The following GBF1 variants were observed in gnomAD, a reference collection of about 807,000 sequenced individuals.
GBF1 encodes Golgi-specific brefeldin A-resistance guanine nucleotide exchange factor 1.
A neutral mutation model predicts 210.5 loss-of-function variants in GBF1; 114 were observed. The observed-to-expected ratio is 0.54, with a 90% CI of 0.47 to 0.63. The LOEUF (loss-of-function observed/expected upper bound fraction) is 0.63. Among genes scored for constraint, GBF1 ranks in the 30% least tolerant of loss-of-function variants. The pLI is 0.00. For synonymous variants in GBF1, 850 were observed against 889.2 expected, an observed-to-expected ratio of 0.96 and a Z score of 0.78; for missense variants, 1,851 against 2,357.7, an observed-to-expected ratio of 0.79 and a Z score of 4.45.
chr10:102,237,045 G>T, the GBF1 span, among the ~76,000 whole-genome samples: 1 of 152,168 alleles, frequency 6.6e-6, no homozygotes, highest in East Asian at 1.9e-4. Flanking sequence ...GACGATTCGG[G>T]GATCAGAGAA....
chr10:102,375,449 C>G lies in GBF1; in HGVS notation c.3751C>G (p.Leu1251Val). The change falls in exon 30 of 40, where the codon CTG (leucine) becomes GTG (valine). Residue 1251 changes from leucine to valine, a missense_variant. Leu to Val is a conservative substitution (Grantham distance 32). Coordinates refer to ENST00000369983, the MANE Select transcript of GBF1 (RefSeq NM_001377137.1). ...GGTTGCGTATGGGCTCCATGAACTC[C>G]TGAAGACCAATGCAGCCAACATCCA... ...HQVAYGLHEL[L>V]KTNAANIHSG... The G allele has an allele frequency of 1.9e-6, 3 of 1,613,348 alleles. No homozygotes were observed. The highest frequency in any genetic ancestry group is 2.5e-6 in the Non-Finnish European group (3 of 1,179,252).
At chr10:102,302,872 C>T (rs1230202790) in intron 3 of GBF1, among the ~76,000 whole-genome samples, 4 of 151,988 alleles carry the variant, frequency 2.6e-5, no homozygotes, top group African/African-American at 4.8e-5. Context: ...TGAAGAATTA[C>T]GTGGCCCAAA....
At position 102,380,693 on chromosome 10, in the gene GBF1, G is replaced by C. The variant is rs745622142; in HGVS notation, c.5173+7G>C. The C allele has an allele frequency of 6.9e-6, 11 of 1,599,066 alleles. No individual in the cohort carries two copies. In the South Asian group the frequency reaches 1.2e-4, roughly 18 times the overall value. ...AAGCAGACCGTCATCCAGGGTAGGGGGCTCAGCCCAGCTTTATCAAAAAGA... is the reference window on the plus strand; with the variant it reads ...AAGCAGACCGTCATCCAGGGTAGGGCGCTCAGCCCAGCTTTATCAAAAAGA... On this transcript the variant is annotated splice_region_variant and intron_variant, in intron 38 of 39. Coordinates refer to ENST00000369983, the MANE Select transcript of GBF1 (RefSeq NM_001377137.1).
chr10:102,351,433 A>G (rs1003529674), intron 5 of GBF1, 59 bp downstream of exon 5: 10 of 923,098 alleles, frequency 1.1e-5, no homozygotes, highest in Admixed American at 5.1e-5. Context: ...CGCAGACTCT[A>G]CTTACTCTGC....
In GBF1 at chr10:102,360,330, C is replaced by T. The variant is rs771953360; in HGVS notation, c.1327C>T (p.Pro443Ser). ...HLLTVALESAPVAQCQTLLGL... is the reference protein window; with the variant it reads ...HLLTVALESASVAQCQTLLGL... ...GCTGACAGTGGCCCTTGAGTCAGCC[C>T]CTGTAGCCCAGTGCCAGACCCTCTT... The change falls in exon 12 of 40, where the codon CCT becomes TCT. Residue 443 changes from proline to serine, a missense_variant. Physicochemically the swap from Pro to Ser is moderately conservative, Grantham distance 74. Coordinates refer to ENST00000369983, the MANE Select transcript of GBF1 (RefSeq NM_001377137.1). The T allele has an allele frequency of 1.9e-6, 3 of 1,613,590 alleles. No individual in the cohort carries two copies. In the East Asian group the frequency reaches 6.7e-5, roughly 36 times the overall value.
chr10:102,363,260 G>A lies in GBF1; in HGVS notation c.1881G>A (p.Glu627=). Reference sequence around the variant, plus strand: ...TATCTTCTTCTCTCTTACCAGCTGAGAGAACTGCCAGCGATGGGAAAGCTG... The same window carrying A: ...TATCTTCTTCTCTCTTACCAGCTGAAAGAACTGCCAGCGATGGGAAAGCTG... ...VDGTREASNT[E]RTASDGKAVG... Residue 627 remains glutamate (E), a synonymous_variant, in exon 16 of 40, where the codon GAG becomes GAA. Coordinates refer to ENST00000369983, the MANE Select transcript of GBF1 (RefSeq NM_001377137.1). The surrounding 1 kb of genome is among the most constrained non-coding windows in gnomAD (Gnocchi z 4.2). The A allele has an allele frequency of 6.2e-7, 1 of 1,612,386 alleles. No homozygotes were observed. The highest frequency in any genetic ancestry group is 1.1e-5 in the South Asian group (1 of 90,900).
chr10:102,307,372 T>G (rs2077982529), intron 3 of GBF1, among the ~76,000 whole-genome samples: 1 of 149,310 alleles, frequency 6.7e-6, no homozygotes, highest in Non-Finnish European at 1.5e-5. Flanking sequence ...TAGAGACATA[T>G]ATGAAATACA....
At chr10:102,369,656 C>A in intron 24 of GBF1, 55 bp from the exon 25 acceptor site, 1 of 1,514,292 alleles carries the variant, frequency 6.6e-7, no homozygotes, top group Non-Finnish European at 9.2e-7. Context: ...TGGGTGGAGG[C>A]GGGCACAAAT....
chr10:102,315,082 CATCGCTTATTACCA>C (rs1380829380), intron 3 of GBF1, among the ~76,000 whole-genome samples: 1 of 152,186 alleles, frequency 6.6e-6, no homozygotes, highest in African/African-American at 2.4e-5. Flanking sequence ...TCCTTGTAAA[CATCGCTTATTACCA>C]ATTTTCCTGG....
intron 3 of GBF1, among the ~76,000 whole-genome samples, chr10:102,299,876 C>A (rs1485437876): frequency 6.6e-6 from 1 of 152,116 alleles, no homozygotes; most frequent in African/African-American, 2.4e-5. Context: ...TAACTATATA[C>A]TAAATTATTT....
At chr10:102,276,381 C>T (rs1477039322) in intron 3 of GBF1, among the ~76,000 whole-genome samples, 1 of 151,710 alleles carries the variant, frequency 6.6e-6, no homozygotes, top group Non-Finnish European at 1.5e-5. Flanking sequence ...AAAAAATTAG[C>T]TGGGCATGGT....
chr10:102,334,819 A>C (rs917856891), intron 3 of GBF1, among the ~76,000 whole-genome samples: 28 of 151,802 alleles, frequency 1.8e-4, no homozygotes, highest in Non-Finnish European at 3.5e-4. Flanking sequence ...ATTGCACTCC[A>C]GGCTGGGTGA....
chr10:102,303,118 G>A (rs191007564), intron 3 of GBF1, among the ~76,000 whole-genome samples: 399 of 151,496 alleles, frequency 2.6e-3, no homozygotes, highest in African/African-American at 7.5e-3. Context: ...CTCCCAAGTA[G>A]CTGGGATTAC....
At chr10:102,234,140 G>T in the GBF1 span, among the ~76,000 whole-genome samples, 1 of 152,228 alleles carries the variant, frequency 6.6e-6, no homozygotes, top group Non-Finnish European at 1.5e-5. Flanking sequence ...AGATTGAGAT[G>T]TGTGTCACTT....
intron 3 of GBF1, among the ~76,000 whole-genome samples, chr10:102,268,976 C>A (rs1396169169): frequency 6.6e-6 from 1 of 152,200 alleles, no homozygotes; most frequent in Non-Finnish European, 1.5e-5. Context: ...TTTAGGCTCT[C>A]AGTTTTACTC....
chr10:102,352,953 G>A (rs2059091990), intron 7 of GBF1, among the ~76,000 whole-genome samples: 1 of 152,132 alleles, frequency 6.6e-6, no homozygotes, highest in Non-Finnish European at 1.5e-5. Context: ...CTCAGTCCCA[G>A]GCAAACCAAG....
intron 33 of GBF1, among the ~76,000 whole-genome samples, chr10:102,378,139 AC>A (rs2060620832): frequency 1.3e-5 from 2 of 150,408 alleles, no homozygotes; most frequent in Admixed American, 6.7e-5. Context: ...AATGGCGTGA[AC>A]CCGGGAGGCA....
chr10:102,231,804 T>G, the GBF1 span: 2 of 1,593,608 alleles, frequency 1.3e-6, no homozygotes, highest in South Asian at 1.1e-5. Flanking sequence ...GGGGCCAGGG[T>G]GGGGGCAGGT....
chr10:102,362,908 G>A (rs1157600825), intron 15 of GBF1, among the ~76,000 whole-genome samples: 2 of 152,172 alleles, frequency 1.3e-5, no homozygotes, highest in African/African-American at 4.8e-5. Context: ...CAAGAGAAGA[G>A]AACAGAGATT....
Sources: allele counts gnomAD v4.1 joint callset (sites outside exome capture counted in the v4.1 genomes callset), GRCh38; gene constraint gnomAD v4.1.1; non-coding constraint Gnocchi (gnomAD v3.1); transcripts MANE v1.5; gene names NCBI Gene and HGNC (gene_info 2026-07-23, HGNC 2026-07-21).